Variants in CRMP1 observed in about 807,000 individuals in gnomAD.
CRMP1 encodes dihydropyrimidinase-related protein 1.
A neutral mutation model predicts 68.3 loss-of-function variants in CRMP1; 19 were observed. The ratio of observed to expected loss-of-function variants is 0.28; its 90% CI spans 0.19 to 0.41. The LOEUF (loss-of-function observed/expected upper bound fraction) is 0.41, where lower values mean the gene tolerates loss of function less well. Among genes scored for constraint, CRMP1 ranks in the 10% least tolerant of loss-of-function variants. CRMP1 has a pLI of 1.00. For synonymous variants in CRMP1, 439 were observed against 399.6 expected (o/e 1.10, Z -1.18); for missense variants, 791 against 967.4 (o/e 0.82, Z 2.42).
At position 5,877,771 on chromosome 4, in the gene CRMP1, G is replaced by A. The variant is rs1302109369; in HGVS notation, c.382-11015C>T. On this transcript the variant is annotated intron_variant, in intron 1 of 13. Transcript: ENST00000324989. The surrounding 1 kb of genome is among the most constrained non-coding windows in gnomAD (Gnocchi z 4.3). ...TATTATGCCTGTTTCCATGACAACTGCAGTTATAAGTGCACAATTTCAGGT... is the reference window on the plus strand; with the variant it reads ...TATTATGCCTGTTTCCATGACAACTACAGTTATAAGTGCACAATTTCAGGT... 3.3e-5 allele frequency among the ~76,000 whole-genome samples: 5 copies of A among 152,132 alleles called. No homozygotes were observed. Among genetic ancestry groups the A allele is most frequent in the Non-Finnish European group, 7.3e-5 (5 of 68,036 alleles).
intron 13 of CRMP1, among the ~76,000 whole-genome samples, chr4:5,822,112 C>T (rs1162416074): frequency 1.3e-5 from 2 of 152,266 alleles, no homozygotes; most frequent in Non-Finnish European, 2.9e-5. Context: ...TAAAATCCGA[C>T]ATTCCTGAGA....
rs1211354350 is a variant in CRMP1, at chr4:5,860,787, T to C, written c.655+239A>G. Among the ~76,000 whole-genome samples, 1 of 152,232 alleles carries C rather than the reference T, an allele frequency of 6.6e-6. No individual in the cohort carries two copies. Among genetic ancestry groups the C allele is most frequent in the Non-Finnish European group, 1.5e-5 (1 of 68,040 alleles). The stretch of plus-strand genomic sequence containing the variant: ...TTGTTTTATTTCAATATTTTAAAAA[T>C]AATTTTTTAAAATTGGTACCTATAA... On this transcript the variant is annotated intron_variant, in intron 3 of 13. Transcript: ENST00000324989. This position sits in a 1 kb window ranked among gnomAD's most constrained non-coding sequence, Gnocchi z 4.2.
Position 5,841,378 on chromosome 4 carries a change from G to T in CRMP1, c.1083C>A (p.Asn361Lys). ...TGACCTTGGTGATGTACACAGGGCAGTTGATCCGGCCCGCAATGGTGATGG... is the reference window on the plus strand; with the variant it reads ...TGACCTTGGTGATGTACACAGGGCATTTGATCCGGCCCGCAATGGTGATGG... ...FRAITIAGRINCPVYITKVMS... is the reference protein window; with the variant it reads ...FRAITIAGRIKCPVYITKVMS... The change falls in exon 8 of 14, where the codon AAC becomes AAA. Residue 361 changes from asparagine to lysine, a missense_variant. This residue lies in a region of CRMP1 where 594 missense variants were observed against 763.6 expected (regional missense o/e 0.78). Coordinates refer to ENST00000324989, the MANE Select transcript of CRMP1 (RefSeq NM_001014809.3). This position sits in a 1 kb window ranked among gnomAD's most constrained non-coding sequence, Gnocchi z 6.9. 5 of 1,614,166 alleles carry T rather than the reference G, an allele frequency of 3.1e-6. No homozygotes were observed. Among genetic ancestry groups the T allele is most frequent in the Non-Finnish European group, 4.2e-6 (5 of 1,180,034 alleles).
chr4:5,844,036 C>T (rs1183534797), intron 6 of CRMP1, among the ~76,000 whole-genome samples: 2 of 152,108 alleles, frequency 1.3e-5, no homozygotes. Flanking sequence ...TCCTCAGTGT[C>T]TGTGTCATTG....
intron 12 of CRMP1, among the ~76,000 whole-genome samples, chr4:5,827,665 CACAT>C (rs1391793247): frequency 1.3e-5 from 2 of 152,054 alleles, no homozygotes; most frequent in South Asian, 2.1e-4. Context: ...CCCATATGCA[CACAT>C]ACACACGTGC....
intron 2 of CRMP1, among the ~76,000 whole-genome samples, chr4:5,864,242 C>G (rs1057315385): frequency 1.3e-5 from 2 of 152,132 alleles, no homozygotes; most frequent in African/African-American, 4.8e-5. Context: ...GATCAAACTT[C>G]TAGCAGCAGG....
chr4:5,849,792 G>C (rs1712490387), intron 5 of CRMP1, among the ~76,000 whole-genome samples: 1 of 152,148 alleles, frequency 6.6e-6, no homozygotes, highest in South Asian at 2.1e-4. Context: ...TGGCTTTTTT[G>C]AAACACCTGT....
At position 5,825,368 on chromosome 4, in the gene CRMP1, C is replaced by T. The variant is rs1719383952; in HGVS notation, c.1969+126G>A. ...CCAGTGAGAGCAGGCTCGGGTGGGG[C>T]ACACTCCCTTCCCTGCTTCTTCATC... On this transcript the variant is annotated intron_variant, in intron 13 of 13. Transcript: ENST00000324989. The surrounding 1 kb of genome is among the most constrained non-coding windows in gnomAD (Gnocchi z 4.4). The T allele has an allele frequency of 2.1e-6, 3 of 1,444,984 alleles. No homozygotes were observed. Among genetic ancestry groups the T allele is most frequent in the Non-Finnish European group, 2.7e-6 (3 of 1,106,796 alleles). 89.5% of individuals were successfully genotyped at this position (1,444,984 alleles called of 1,614,324 possible). A position where few individuals can be genotyped will look rare whatever the true frequency, so the allele number is the denominator to read the frequency against.
intron 10 of CRMP1, among the ~76,000 whole-genome samples, chr4:5,836,442 C>T (rs1206051620): frequency 6.6e-6 from 1 of 152,252 alleles, no homozygotes; most frequent in Non-Finnish European, 1.5e-5. Context: ...AACATCCCAA[C>T]TCCTAACACG....
Position 5,892,610 on chromosome 4 carries a change from G to A in CRMP1, c.360C>T (p.Pro120=). ...RIRRPAPRDL[P]LGRDNGQSDR... ...GTACCTGGCCATTGTCCCGGCCGAGGGGCAGGTCGCGGGGCGCGGGGCGGC... is the reference window on the plus strand; with the variant it reads ...GTACCTGGCCATTGTCCCGGCCGAGAGGCAGGTCGCGGGGCGCGGGGCGGC... Residue 120 remains proline (P), a synonymous_variant, in exon 1 of 14, where the codon CCC becomes CCT. Transcript: ENST00000324989. The surrounding 1 kb of genome is among the most constrained non-coding windows in gnomAD (Gnocchi z 8.6). The A allele has an allele frequency of 2.5e-6, 3 of 1,187,406 alleles. No homozygotes were observed. The highest frequency in any genetic ancestry group is 3.1e-6 in the Non-Finnish European group (3 of 959,322). 73.6% of individuals were successfully genotyped at this position (1,187,406 alleles called of 1,614,324 possible). A position where few individuals can be genotyped will look rare whatever the true frequency, so the allele number is the denominator to read the frequency against.
chr4:5,856,249 G>A lies in CRMP1; in HGVS notation c.714C>T (p.His238=), dbSNP rs139688791. Reference sequence around the variant, plus strand: ...AGCAGGATTTGGTGTCAGCTGCTTCGTGCCACTTCTCGAAAGAGGTCAGTA... The same window carrying A: ...AGCAGGATTTGGTGTCAGCTGCTTCATGCCACTTCTCGAAAGAGGTCAGTA... ...SSLLTSFEKW[H]EAADTKSCCD... The change falls in exon 4 of 14, where the codon CAC becomes CAT. Residue 238 remains histidine (H), a synonymous_variant. Coordinates refer to ENST00000324989, the MANE Select transcript of CRMP1 (RefSeq NM_001014809.3). 354 of 1,613,870 alleles carry A rather than the reference G, an allele frequency of 2.2e-4. No homozygotes were observed. The highest frequency in any genetic ancestry group is 1.2e-3 in the African/African-American group (87 of 74,938).
rs1416985955 is a variant in CRMP1, at chr4:5,866,064, A to C, written c.470+604T>G. Among the ~76,000 whole-genome samples the C allele has an allele frequency of 6.6e-6, 1 of 152,194 alleles. No homozygotes were observed. Among genetic ancestry groups the C allele is most frequent in the African/African-American group, 2.4e-5 (1 of 41,464 alleles). ...CTGTTTAAGCCACCCAGCCTGTGGCATTCCATTCCGGCAGCCAGCGCTGGC... is the reference window on the plus strand; with the variant it reads ...CTGTTTAAGCCACCCAGCCTGTGGCCTTCCATTCCGGCAGCCAGCGCTGGC... On this transcript the variant is annotated intron_variant, in intron 2 of 13. Coordinates refer to ENST00000324989, the MANE Select transcript of CRMP1 (RefSeq NM_001014809.3). The surrounding 1 kb of genome is among the most constrained non-coding windows in gnomAD (Gnocchi z 5.9).
chr4:5,847,638 G>A (rs1712320968), intron 6 of CRMP1, among the ~76,000 whole-genome samples: 1 of 152,222 alleles, frequency 6.6e-6, no homozygotes, highest in African/African-American at 2.4e-5. Context: ...ATAAGAAGAA[G>A]TGAAGTCAAT....
Position 5,821,559 on chromosome 4 carries a change from A to G in CRMP1, c.*201T>C. Reference sequence around the variant, plus strand: ...TCCGAGGTGGATTCAGCATGAACACAACTGTGGGGCAAGGAATTTCCAAGC... The same window carrying G: ...TCCGAGGTGGATTCAGCATGAACACGACTGTGGGGCAAGGAATTTCCAAGC... On this transcript the variant is annotated 3_prime_UTR_variant, in exon 14 of 14. Coordinates refer to ENST00000324989, the MANE Select transcript of CRMP1 (RefSeq NM_001014809.3). This position sits in a 1 kb window ranked among gnomAD's most constrained non-coding sequence, Gnocchi z 4.4. 1 of 583,680 alleles carries G rather than the reference A, an allele frequency of 1.7e-6. No homozygotes were observed. The highest frequency in any genetic ancestry group is 2.3e-5 in the South Asian group (1 of 43,614). 36.2% of individuals were successfully genotyped at this position (583,680 alleles called of 1,614,324 possible).
At position 5,834,180 on chromosome 4, in the gene CRMP1, G is replaced by A; in HGVS notation, c.1623+1735C>T. ...ATAAGGATCACCTTGTGAAGCAAGG[G>A]GCAGCTCCCACAGCCAGATGGCGGT... On this transcript the variant is annotated intron_variant, in intron 11 of 13. Coordinates refer to ENST00000324989, the MANE Select transcript of CRMP1 (RefSeq NM_001014809.3). The surrounding 1 kb of genome is among the most constrained non-coding windows in gnomAD (Gnocchi z 4.3). 6.6e-6 allele frequency among the ~76,000 whole-genome samples: 1 copy of A among 152,158 alleles called. No homozygotes were observed. The highest frequency in any genetic ancestry group is 1.9e-4 in the East Asian group (1 of 5,190).
At chr4:5,852,867 G>GA (rs571651346) in intron 4 of CRMP1, among the ~76,000 whole-genome samples, 84 of 152,266 alleles carry the variant, frequency 5.5e-4, no homozygotes, top group Admixed American at 1.2e-3. Context: ...AGCTCAGCAC[G>GA]AACAGGAGAA....
chr4:5,837,280 A>G (rs1206199224), intron 9 of CRMP1, among the ~76,000 whole-genome samples: 2 of 152,094 alleles, frequency 1.3e-5, no homozygotes, highest in Non-Finnish European at 2.9e-5. Context: ...GGTGTTTTAA[A>G]AACAAATACT....
rs897836675 is a variant in CRMP1, at chr4:5,858,174, G to A, written c.656-1867C>T. ...GGCAACGCCACCTTCTGGCTTTTTCGTTCCTTTGTCCTACTTCTTTGGCTG... is the reference window on the plus strand; with the variant it reads ...GGCAACGCCACCTTCTGGCTTTTTCATTCCTTTGTCCTACTTCTTTGGCTG... On this transcript the variant is annotated intron_variant, in intron 3 of 13. Coordinates refer to ENST00000324989, the MANE Select transcript of CRMP1 (RefSeq NM_001014809.3). The surrounding 1 kb of genome is among the most constrained non-coding windows in gnomAD (Gnocchi z 5.5). Among the ~76,000 whole-genome samples, 2 of 151,704 alleles carry A rather than the reference G, an allele frequency of 1.3e-5. No homozygotes were observed. The highest frequency in any genetic ancestry group is 4.8e-5 in the African/African-American group (2 of 41,324).
chr4:5,842,196 C>A lies in CRMP1; in HGVS notation c.1033-768G>T, dbSNP rs1255194758. ...GAGCTTGCAGTGAGCCAAGATGGCG[C>A]CACTTCACTCCAGCCTGGGCGACAG... On this transcript the variant is annotated intron_variant, in intron 7 of 13. Coordinates refer to ENST00000324989, the MANE Select transcript of CRMP1 (RefSeq NM_001014809.3). This position sits in a 1 kb window ranked among gnomAD's most constrained non-coding sequence, Gnocchi z 4.5. 6.6e-6 allele frequency among the ~76,000 whole-genome samples: 1 copy of A among 151,996 alleles called. No homozygotes were observed. Among genetic ancestry groups the A allele is most frequent in the Non-Finnish European group, 1.5e-5 (1 of 67,988 alleles).
Sources: allele counts gnomAD v4.1 joint callset (sites outside exome capture counted in the v4.1 genomes callset), GRCh38; gene constraint gnomAD v4.1.1; regional missense constraint gnomAD v4.1.1; non-coding constraint Gnocchi (gnomAD v3.1); transcripts MANE v1.5; gene names NCBI Gene and HGNC (gene_info 2026-07-23, HGNC 2026-07-21).